Variants in ZGRF1 observed in about 807,000 individuals in gnomAD.
The protein encoded by ZGRF1 is zinc finger GRF-type containing 1.
In ZGRF1, 196 loss-of-function variants were observed where a neutral mutation model predicts 203.5. The ratio of observed to expected loss-of-function variants is 0.96; its 90% confidence interval spans 0.86 to 1.08. The LOEUF is 1.08. ZGRF1 is among the 50% of genes least tolerant of loss of function. The pLI is 0.00. For synonymous variants in ZGRF1, 809 were observed against 841.3 expected (o/e 0.96, Z 0.66); for missense variants, 2,326 against 2,416.3 (o/e 0.96, Z 0.78).
chr4:112,634,661 AT>A (rs992515572), intron 1 of ZGRF1, among the ~76,000 whole-genome samples: 1 of 151,798 alleles, frequency 6.6e-6, no homozygotes, highest in African/African-American at 2.4e-5. Flanking sequence ...AAAAAAAAAA[AT>A]AAAAGGGCGA....
chr4:112,620,396 A>T (rs979745312), intron 4 of ZGRF1, among the ~76,000 whole-genome samples: 1 of 152,194 alleles, frequency 6.6e-6, no homozygotes, highest in African/African-American at 2.4e-5. Context: ...TAATTTTAAA[A>T]TTTCTCTGAT....
intron 16 of ZGRF1, chr4:112,564,952 A>C (rs1742742798): frequency 1.2e-6 from 1 of 801,878 alleles, no homozygotes; most frequent in Admixed American, 1.8e-5. Flanking sequence ...GCTCCAGCCG[A>C]AGGAGAAATG....
chr4:112,581,651 A>G lies in ZGRF1; in HGVS notation c.4438+12T>C, dbSNP rs370055902. On this transcript the variant is annotated intron_variant, in intron 16 of 27. Transcript: ENST00000505019. ...GCTAGACTGAATCGCCAGTATGATC[A>G]GATCAACTTACTTTTGCTATAAGCT... 31 of 1,566,578 alleles carry G rather than the reference A, an allele frequency of 2.0e-5. No individual in the cohort carries two copies. Among genetic ancestry groups the G allele is most frequent in the Non-Finnish European group, 2.4e-5 (28 of 1,162,138 alleles).
Position 112,619,452 on chromosome 4 carries a change from G to GA in ZGRF1, c.589dup (p.Ser197PhefsTer7), listed in dbSNP as rs748460368. 4.2e-5 allele frequency: 67 copies of GA among 1,611,810 alleles called. No homozygotes were observed. The highest frequency in any genetic ancestry group is 1.7e-4 in the Middle Eastern group (1 of 6,052). The stretch of plus-strand genomic sequence containing the variant: ...TTCTGGGTTAATCTGGAAGGATGGA[G>GA]AAAAAACCGAAGAAAAATCCATGGC... On this transcript the variant is annotated frameshift_variant, in exon 6 of 28. Transcript: ENST00000505019. LOFTEE classifies it high-confidence loss of function.
rs768069259 is a variant in ZGRF1, at chr4:112,587,638, A to G, written c.3419T>C (p.Ile1140Thr). ...TTTCAGCCACTTGCTCTGAGTAGAT[A>G]TATTATTAAGTGAAACATCCCCTGG... ...VNPGDVSLNN[I>T]STQSKWLKYQ... The change falls in exon 12 of 28, where the codon ATA becomes ACA. Residue 1140 changes from isoleucine to threonine, a missense_variant. Transcript: ENST00000505019. 6 of 1,613,876 alleles carry G rather than the reference A, an allele frequency of 3.7e-6. No individual in the cohort carries two copies. In the South Asian group the frequency reaches 5.5e-5, roughly 15 times the overall value.
At chr4:112,621,386 A>C (rs1434216465) in intron 4 of ZGRF1, among the ~76,000 whole-genome samples, 2 of 152,128 alleles carry the variant, frequency 1.3e-5, no homozygotes, top group African/African-American at 4.8e-5. Context: ...GCAGTGGCTC[A>C]CACCTGTAAT....
Position 112,585,606 on chromosome 4 carries a change from C to A in ZGRF1, c.4036G>T (p.Val1346Leu). 1 of 1,612,000 alleles carries A rather than the reference C, an allele frequency of 6.2e-7. No homozygotes were observed. The highest frequency in any genetic ancestry group is 8.5e-7 in the Non-Finnish European group (1 of 1,179,204). ...GEKLKNAENNVPSCHHSQPAK... is the reference protein window; with the variant it reads ...GEKLKNAENNLPSCHHSQPAK... ...GGTTGACTATGATGGCAGGATGGTA[C>A]ATTATTTTCTGCGTTTTTCAGTTTC... The change falls in exon 14 of 28, where the codon GTA becomes TTA. Residue 1346 changes from valine to leucine, a missense_variant. Physicochemically the swap from Val to Leu is conservative, Grantham distance 32. Coordinates refer to ENST00000505019, the MANE Select transcript of ZGRF1 (RefSeq NM_018392.5).
intron 23 of ZGRF1, 64 bp from the exon 24 acceptor site, chr4:112,547,472 C>T: frequency 1.4e-6 from 2 of 1,464,836 alleles, no homozygotes; most frequent in South Asian, 1.3e-5. Flanking sequence ...TCATTTATTG[C>T]ACTGTTTGCC....
At chr4:112,573,868 T>C (rs146991201) in intron 16 of ZGRF1, among the ~76,000 whole-genome samples, 51 of 152,178 alleles carry the variant, frequency 3.4e-4, no homozygotes, top group South Asian at 2.1e-4. Context: ...AAGAACCCAA[T>C]AGTAAAATGG....
In ZGRF1 at chr4:112,619,328, C is replaced by T. The variant is rs752487884; in HGVS notation, c.714G>A (p.Leu238=). ...LTNEPVKRDS[L]ASHYSGVSQN... Reference sequence around the variant, plus strand: ...GTGAAACTCCTGAATAGTGAGATGCCAAACTATCTCTTTTCACAGGCTCAT... The same window carrying T: ...GTGAAACTCCTGAATAGTGAGATGCTAAACTATCTCTTTTCACAGGCTCAT... The change falls in exon 6 of 28, where the codon TTG becomes TTA. Residue 238 remains leucine (L), a synonymous_variant. Coordinates refer to ENST00000505019, the MANE Select transcript of ZGRF1 (RefSeq NM_018392.5). 2 of 1,612,446 alleles carry T rather than the reference C, an allele frequency of 1.2e-6. No individual in the cohort carries two copies. The highest frequency in any genetic ancestry group is 3.3e-5 in the Admixed American group (2 of 59,858).
At position 112,617,688 on chromosome 4, in the gene ZGRF1, G is replaced by A. The variant is rs1182850942; in HGVS notation, c.2354C>T (p.Pro785Leu). 6.2e-7 allele frequency: 1 copy of A among 1,613,976 alleles called. No individual in the cohort carries two copies. The highest frequency in any genetic ancestry group is 1.7e-5 in the Admixed American group (1 of 60,010). Residue 785 changes from proline (P) to leucine (L), a missense_variant, in exon 6 of 28, where the codon CCT becomes CTT. Coordinates refer to ENST00000505019, the MANE Select transcript of ZGRF1 (RefSeq NM_018392.5). ...SKDTEAHISE[P>L]EDLGKIRSPP... Reference sequence around the variant, plus strand: ...ACTTCTAATCTTTCCCAAATCTTCAGGTTCAGATATATGTGCTTCTGTGTC... The same window carrying A: ...ACTTCTAATCTTTCCCAAATCTTCAAGTTCAGATATATGTGCTTCTGTGTC...
chr4:112,567,975 A>G (rs557518704), intron 16 of ZGRF1, among the ~76,000 whole-genome samples: 1 of 152,216 alleles, frequency 6.6e-6, no homozygotes, highest in African/African-American at 2.4e-5. Flanking sequence ...AGAAATGAAC[A>G]GAAATATTAG....
At chr4:112,573,441 A>G (rs1744583412) in intron 16 of ZGRF1, among the ~76,000 whole-genome samples, 1 of 152,090 alleles carries the variant, frequency 6.6e-6, no homozygotes, top group African/African-American at 2.4e-5. Context: ...AAAGACTACA[A>G]ATTTGATACG....
chr4:112,587,670 T>TTCCCTAGA lies in ZGRF1; in HGVS notation c.3379_3386dup (p.Glu1129AspfsTer5), dbSNP rs749853717. 5 of 1,613,224 alleles carry TTCCCTAGA rather than the reference T, an allele frequency of 3.1e-6. No individual in the cohort carries two copies. In the South Asian group the frequency reaches 4.4e-5, roughly 14 times the overall value. ...TAAGTGAAACATCCCCTGGATTCAC[T>TTCCCTAGA]TCCCTAGATTCTTCAGAGAAAAAGG... On this transcript the variant is annotated frameshift_variant, in exon 12 of 28. Coordinates refer to ENST00000505019, the MANE Select transcript of ZGRF1 (RefSeq NM_018392.5). LOFTEE classifies it high-confidence loss of function.
At chr4:112,610,074 G>A (rs1313413732) in intron 7 of ZGRF1, among the ~76,000 whole-genome samples, 1 of 152,006 alleles carries the variant, frequency 6.6e-6, no homozygotes, top group Non-Finnish European at 1.5e-5. Flanking sequence ...AGGAGGTCAA[G>A]GCTGCAGGAG....
At chr4:112,573,381 A>G (rs888151703) in intron 16 of ZGRF1, among the ~76,000 whole-genome samples, 3 of 152,072 alleles carry the variant, frequency 2.0e-5, no homozygotes, top group African/African-American at 7.2e-5. Flanking sequence ...TAATAATACA[A>G]TGGACTTTGG....
rs755625988 is a variant in ZGRF1, at chr4:112,587,450, G to C, written c.3607C>G (p.Gln1203Glu). ...NESSLDSVHL[Q>E]MIKGMLYQQR... ...TGATAGAGCATGCCTTTTATCATTTGCAAATGCACAGAGTCTAAAGAGCTT... is the reference window on the plus strand; with the variant it reads ...TGATAGAGCATGCCTTTTATCATTTCCAAATGCACAGAGTCTAAAGAGCTT... Residue 1203 changes from glutamine (Q) to glutamate (E), a missense_variant, in exon 12 of 28, where the codon CAA becomes GAA. Transcript: ENST00000505019. 2.5e-6 allele frequency: 4 copies of C among 1,613,902 alleles called. No homozygotes were observed. The South Asian group carries it at 4.4e-5, about 18-fold the overall frequency.
At chr4:112,566,449 C>G (rs924851039) in intron 16 of ZGRF1, among the ~76,000 whole-genome samples, 47 of 150,594 alleles carry the variant, frequency 3.1e-4, no homozygotes, top group Non-Finnish European at 5.6e-4. Flanking sequence ...ATGTAACTAA[C>G]CTGCACAATG....
intron 10 of ZGRF1, among the ~76,000 whole-genome samples, chr4:112,590,088 A>G (rs964534379): frequency 6.6e-6 from 1 of 152,192 alleles, no homozygotes; most frequent in Non-Finnish European, 1.5e-5. Context: ...AGAGCATAAA[A>G]TCTTTCAGAT....
Sources: gnomAD v4.1 joint callset for allele counts (sites outside exome capture counted in the v4.1 genomes callset) on GRCh38, gnomAD v4.1.1 for gene constraint, MANE v1.5 for transcripts, NCBI Gene and HGNC (gene_info 2026-07-23, HGNC 2026-07-21) for gene names.